The following NEGR1 variants were observed in gnomAD, a reference collection of about 807,000 sequenced individuals.
NEGR1 encodes neuronal growth regulator 1, also known as IgLON family member 4.
In NEGR1, 10 loss-of-function variants were observed where a neutral mutation model predicts 40.9. The ratio of observed to expected loss-of-function variants is 0.24; its 90% CI spans 0.15 to 0.42. The LOEUF is 0.42. Ranked by LOEUF, NEGR1 falls within the 10% of genes least tolerant of loss-of-function variation. The pLI is 1.00. For missense variants in NEGR1, 352 were observed against 438.9 expected, an observed-to-expected ratio of 0.80 and a Z score of 1.77; for synonymous variants, 185 against 166.8, an observed-to-expected ratio of 1.11 and a Z score of -0.84.
chr1:72,088,790 C>A (rs1648327959), intron 1 of NEGR1, among the ~76,000 whole-genome samples: 1 of 121,938 alleles, frequency 8.2e-6, no homozygotes, highest in African/African-American at 3.3e-5. Flanking sequence ...GTAGTTCTCT[C>A]TCTCTCTTTT....
intron 1 of NEGR1, among the ~76,000 whole-genome samples, chr1:72,109,729 C>T (rs1649280413): frequency 6.6e-6 from 1 of 151,614 alleles, no homozygotes; most frequent in African/African-American, 2.4e-5. Flanking sequence ...CAGTGATCAG[C>T]TCCTAACTGG....
At chr1:71,641,492 C>G (rs539506094) in intron 4 of NEGR1, among the ~76,000 whole-genome samples, 2 of 152,006 alleles carry the variant, frequency 1.3e-5, no homozygotes, top group Non-Finnish European at 2.9e-5. Flanking sequence ...ATTCTTTAAG[C>G]TGATCCTCCT....
At chr1:72,212,191 C>T (rs1653633383) in intron 1 of NEGR1, among the ~76,000 whole-genome samples, 1 of 151,846 alleles carries the variant, frequency 6.6e-6, no homozygotes, top group South Asian at 2.1e-4. Context: ...TGCAGAAAAA[C>T]AAGATAAATT....
chr1:72,160,931 A>G (rs1651532843), intron 1 of NEGR1, among the ~76,000 whole-genome samples: 1 of 152,188 alleles, frequency 6.6e-6, no homozygotes, highest in African/African-American at 2.4e-5. Context: ...TTAAGTTATT[A>G]CATAGCAAGG....
At chr1:71,422,307 G>A (rs917277834) in intron 6 of NEGR1, among the ~76,000 whole-genome samples, 1 of 152,192 alleles carries the variant, frequency 6.6e-6, no homozygotes. Context: ...CATAATGTCT[G>A]ATACACAATG....
intron 4 of NEGR1, among the ~76,000 whole-genome samples, chr1:71,638,408 T>C (rs1651233376): frequency 6.6e-6 from 1 of 152,022 alleles, no homozygotes. Context: ...AATTCTTCCT[T>C]GTAGAGTTGT....
chr1:71,506,665 C>T lies in NEGR1; in HGVS notation c.940+86152G>A, dbSNP rs76206035. Among the ~76,000 whole-genome samples the T allele has an allele frequency of 3.1e-3, 468 of 152,160 alleles. 1 individual carries two copies. The highest frequency in any genetic ancestry group is 5.5e-3 in the Non-Finnish European group (372 of 68,000). ...GTTTCCTATGGAAAGGAGAGGGGAACGAAAGACATCAGACCATAACTGCTT... is the reference window on the plus strand; with the variant it reads ...GTTTCCTATGGAAAGGAGAGGGGAATGAAAGACATCAGACCATAACTGCTT... On this transcript the variant is annotated intron_variant, in intron 6 of 6. Transcript: ENST00000357731.
At chr1:71,929,098 T>G (rs772409868) in intron 2 of NEGR1, among the ~76,000 whole-genome samples, 1 of 152,090 alleles carries the variant, frequency 6.6e-6, no homozygotes, top group Admixed American at 6.6e-5. Context: ...AGATAACAGG[T>G]ATTTATCATA....
At chr1:71,701,890 C>T (rs1273212273) in intron 3 of NEGR1, among the ~76,000 whole-genome samples, 2 of 151,864 alleles carry the variant, frequency 1.3e-5, no homozygotes, top group African/African-American at 2.4e-5. Context: ...TTTTGAAGAA[C>T]AAAAATTTCA....
At chr1:71,821,448 C>A (rs184927324) in intron 2 of NEGR1, among the ~76,000 whole-genome samples, 1 of 151,900 alleles carries the variant, frequency 6.6e-6, no homozygotes. Flanking sequence ...AATGTCCTAG[C>A]GGGTATTTGC....
chr1:71,958,951 CAAAAAAAA>C, intron 1 of NEGR1, among the ~76,000 whole-genome samples: 1 of 119,444 alleles, frequency 8.4e-6, no homozygotes, highest in East Asian at 2.4e-4. Flanking sequence ...CATCTCATCT[CAAAAAAAA>C]AAAAAAAAAG....
At chr1:71,782,217 C>T (rs1024952604) in intron 2 of NEGR1, among the ~76,000 whole-genome samples, 6 of 152,088 alleles carry the variant, frequency 3.9e-5, no homozygotes, top group African/African-American at 1.2e-4. Flanking sequence ...AGCTAGGCCA[C>T]CCCTTCCACC....
At chr1:71,928,509 T>TG (rs1557439528) in intron 2 of NEGR1, among the ~76,000 whole-genome samples, 1 of 92,138 alleles carries the variant, frequency 1.1e-5, no homozygotes, top group Non-Finnish European at 2.3e-5. Flanking sequence ...TATGTATACA[T>TG]GTGTATATAT....
At chr1:72,113,612 A>G (rs894477674) in intron 1 of NEGR1, among the ~76,000 whole-genome samples, 3 of 151,656 alleles carry the variant, frequency 2.0e-5, no homozygotes, top group Admixed American at 6.6e-5. Flanking sequence ...AGAAAAGCAG[A>G]TAAGAGCACA....
At chr1:71,749,976 G>A (rs907041469) in intron 3 of NEGR1, among the ~76,000 whole-genome samples, 1 of 149,686 alleles carries the variant, frequency 6.7e-6, no homozygotes, top group African/African-American at 2.5e-5. Context: ...TGATGAAATG[G>A]TTTGCTCCTT....
chr1:71,912,082 A>C (rs1661434217), intron 2 of NEGR1, among the ~76,000 whole-genome samples: 1 of 152,216 alleles, frequency 6.6e-6, no homozygotes, highest in Non-Finnish European at 1.5e-5. Flanking sequence ...ATTATCAGAT[A>C]CTTTGTGACC....
At chr1:72,254,453 A>G (rs893239195) in intron 1 of NEGR1, among the ~76,000 whole-genome samples, 1 of 152,162 alleles carries the variant, frequency 6.6e-6, no homozygotes, top group Non-Finnish European at 1.5e-5. Flanking sequence ...CTGTGATCCC[A>G]GCACTTTAGG....
intron 3 of NEGR1, among the ~76,000 whole-genome samples, chr1:71,746,630 A>G (rs1277447161): frequency 1.3e-5 from 2 of 151,874 alleles, no homozygotes; most frequent in Non-Finnish European, 2.9e-5. Context: ...CATTTTCCTC[A>G]ATGCATCTTC....
At chr1:71,903,865 A>T (rs1436216261) in intron 2 of NEGR1, among the ~76,000 whole-genome samples, 1 of 151,780 alleles carries the variant, frequency 6.6e-6, no homozygotes, top group Non-Finnish European at 1.5e-5. Flanking sequence ...TCTATTAATA[A>T]GGCAGATGAA....
Sources: allele counts gnomAD v4.1 joint callset (sites outside exome capture counted in the v4.1 genomes callset), GRCh38; gene constraint gnomAD v4.1.1; transcripts MANE v1.5; gene names NCBI Gene and HGNC (gene_info 2026-07-23, HGNC 2026-07-21).